Variants in TUBGCP5 observed in about 807,000 individuals in gnomAD.
TUBGCP5 encodes tubulin gamma complex component 5, also known as gamma-tubulin complex component 5.
Under a neutral mutation model 134.7 loss-of-function variants are expected in TUBGCP5, and 98 were observed. The ratio of observed to expected loss-of-function variants is 0.73; its 90% CI spans 0.62 to 0.86. The LOEUF (loss-of-function observed/expected upper bound fraction) is 0.86. Ranked by LOEUF, TUBGCP5 falls within the 40% of genes least tolerant of loss-of-function variation. The pLI, the probability that TUBGCP5 is intolerant of heterozygous loss-of-function variation, is 0.00. For synonymous variants in TUBGCP5, 456 were observed against 431.4 expected, an observed-to-expected ratio of 1.06 and a Z score of -0.71; for missense variants, 1,150 against 1,244.8, an observed-to-expected ratio of 0.92 and a Z score of 1.15.
At chr15:22,994,857 G>GT (rs1367632130), downstream of TUBGCP5, among the ~76,000 whole-genome samples, 3 of 152,158 alleles carry the variant, frequency 2.0e-5, no homozygotes, top group Admixed American at 1.3e-4. Flanking sequence ...GCTCACGCCT[G>GT]TAATCCCAGC....
At chr15:23,007,913 G>A (rs2064819244) in intron 16 of TUBGCP5, among the ~76,000 whole-genome samples, 1 of 152,128 alleles carries the variant, frequency 6.6e-6, no homozygotes, top group Non-Finnish European at 1.5e-5. Context: ...GAGACACAGA[G>A]GTCATTGGGG....
intron 12 of TUBGCP5, among the ~76,000 whole-genome samples, chr15:23,018,253 G>C (rs1469522620): frequency 1.3e-5 from 2 of 152,150 alleles, no homozygotes; most frequent in African/African-American, 4.8e-5. Context: ...AATTTAAGTA[G>C]AAATAGTTTC....
At chr15:22,994,651 A>G (rs535307132), downstream of TUBGCP5, among the ~76,000 whole-genome samples, 260 of 152,332 alleles carry the variant, frequency 1.7e-3, 1 homozygote, top group Non-Finnish European at 2.9e-3. Context: ...ACTTATTCGT[A>G]AAGCCACTAT....
Position 23,031,268 on chromosome 15 carries a change from T to C in TUBGCP5, c.487-248A>G, listed in dbSNP as rs2140652899. On this transcript the variant is annotated intron_variant, in intron 5 of 22. Transcript: ENST00000615383. ...TGGAATTATTTTTTGTGGCAAAAAG[T>C]CCCAAGATCACAGGTCCTTAAGGGA... 1.3e-5 allele frequency among the ~76,000 whole-genome samples: 2 copies of C among 152,228 alleles called. 1 individual carries two copies. Among genetic ancestry groups the C allele is most frequent in the East Asian group, 3.9e-4 (2 of 5,182 alleles).
At chr15:22,991,419 G>A (rs1348986191) in intron 23 of TUBGCP5, among the ~76,000 whole-genome samples, 1 of 152,194 alleles carries the variant, frequency 6.6e-6, no homozygotes, top group South Asian at 2.1e-4. Flanking sequence ...TTAACTTAAT[G>A]ATGCCATGAA....
intron 8 of TUBGCP5, 92 bp from the exon 9 acceptor site, chr15:23,024,922 G>A: frequency 1.3e-6 from 1 of 747,978 alleles, no homozygotes; most frequent in East Asian, 2.7e-5. Flanking sequence ...TTTTTTGACA[G>A]GGACTCACTT....
At chr15:23,027,332 T>C in intron 6 of TUBGCP5, 26 bp from the exon 7 acceptor site, 1 of 1,593,242 alleles carries the variant, frequency 6.3e-7, no homozygotes, top group Non-Finnish European at 8.6e-7. Flanking sequence ...GTAATCAGTT[T>C]GAGTTAACAA....
Position 23,019,289 on chromosome 15 carries a change from G to C in TUBGCP5, c.1417C>G (p.Leu473Val). ...ACGATCCACTCGTCCACCGTCTGCAGGTAAGGCCGCACCGTTTCCACCCAG... is the reference window on the plus strand; with the variant it reads ...ACGATCCACTCGTCCACCGTCTGCACGTAAGGCCGCACCGTTTCCACCCAG... ...SLWVETVRPY[L>V]QTVDEWIVHG... Residue 473 changes from leucine (L) to valine (V), a missense_variant, in exon 12 of 23, where the codon CTG becomes GTG. By Grantham distance (32) the Leu-to-Val change is conservative. Coordinates refer to ENST00000615383, the MANE Select transcript of TUBGCP5 (RefSeq NM_052903.6). 1.2e-6 allele frequency: 2 copies of C among 1,614,078 alleles called. No homozygotes were observed. The highest frequency in any genetic ancestry group is 1.7e-6 in the Non-Finnish European group (2 of 1,179,984).
chr15:23,000,228 A>T (rs1233648492), intron 22 of TUBGCP5: 5 of 1,190,872 alleles, frequency 4.2e-6, no homozygotes, highest in Non-Finnish European at 5.2e-6. Context: ...ATTCCTAAAA[A>T]AATTTTTAAA....
chr15:23,019,594 C>G (rs541756124), intron 11 of TUBGCP5, among the ~76,000 whole-genome samples: 3 of 150,732 alleles, frequency 2.0e-5, no homozygotes, highest in African/African-American at 7.3e-5. Context: ...GGTAAGAAAT[C>G]GAGACCATCC....
rs1056908516 is a variant in TUBGCP5, at chr15:23,010,001, G to A, written c.2088C>T (p.Asp696=). ...TTCCACAGCAATCTAGATACTGCTT[G>A]TCAATATGAGGATAGAGGCAGGATC... ...TLRSCLYPHI[D]KQYLDCCGNL... The change falls in exon 15 of 23, where the codon GAC becomes GAT. Residue 696 remains aspartate (D), a synonymous_variant. Transcript: ENST00000615383. The A allele has an allele frequency of 6.2e-7, 1 of 1,614,046 alleles. No homozygotes were observed.
chr15:22,986,259 G>A (rs1328391435), intron 23 of TUBGCP5, among the ~76,000 whole-genome samples: 1 of 151,992 alleles, frequency 6.6e-6, no homozygotes, highest in African/African-American at 2.4e-5. Context: ...TGCCACTATG[G>A]AAAACAATAT....
intron 23 of TUBGCP5, among the ~76,000 whole-genome samples, chr15:22,987,071 G>A (rs930548750): frequency 7.9e-5 from 12 of 151,896 alleles, no homozygotes; most frequent in African/African-American, 1.5e-4. Context: ...GGTGGCTCAC[G>A]CCTGTAATCC....
At position 23,019,236 on chromosome 15, in the gene TUBGCP5, C is replaced by T. The variant is rs151164554; in HGVS notation, c.1470G>A (p.Arg490=). ...IVHGHLWDGA[R]EFIIQRNKNV... ...CAGCTCACCTCTGGATGATGAACTC[C>T]CTGGCGCCATCCCACAGGTGCCCGT... The change falls in exon 12 of 23, where the codon AGG becomes AGA. Residue 490 remains arginine (R), a synonymous_variant. Transcript: ENST00000615383. 6.0e-4 allele frequency: 964 copies of T among 1,613,640 alleles called. 4 individuals are homozygous for T. Among genetic ancestry groups the T allele is most frequent in the Middle Eastern group, 3.3e-3 (20 of 6,060 alleles).
downstream of TUBGCP5, among the ~76,000 whole-genome samples, chr15:22,994,279 G>A (rs1459030477): frequency 6.6e-6 from 1 of 151,808 alleles, no homozygotes; most frequent in African/African-American, 2.4e-5. Flanking sequence ...TAGTAGAGAC[G>A]GGGTTTCACC....
intron 23 of TUBGCP5, among the ~76,000 whole-genome samples, chr15:22,989,211 G>A (rs1020681344): frequency 6.6e-6 from 1 of 152,098 alleles, no homozygotes; most frequent in Non-Finnish European, 1.5e-5. Flanking sequence ...ATAGTCACAC[G>A]GCCCAGGGAT....
intron 4 of TUBGCP5, among the ~76,000 whole-genome samples, chr15:23,032,350 A>C (rs571701657): frequency 2.2e-4 from 34 of 152,324 alleles, no homozygotes; most frequent in Admixed American, 1.7e-3. Flanking sequence ...AAAATGGTGT[A>C]GTATGTGCAC....
Position 23,010,703 on chromosome 15 carries a change from G to A in TUBGCP5, c.1955+430C>T, listed in dbSNP as rs565503969. On this transcript the variant is annotated intron_variant, in intron 14 of 22. Coordinates refer to ENST00000615383, the MANE Select transcript of TUBGCP5 (RefSeq NM_052903.6). ...CTGCTTGTTATAAAGGATAGGCATG[G>A]CATGGTGGCTCACACCTGTAATCCC... 7.2e-5 allele frequency among the ~76,000 whole-genome samples: 11 copies of A among 152,218 alleles called. No homozygotes were observed. The South Asian group carries it at 1.9e-3, about 26-fold the overall frequency.
At chr15:22,990,017 G>A (rs1228863467) in intron 23 of TUBGCP5, among the ~76,000 whole-genome samples, 1 of 152,172 alleles carries the variant, frequency 6.6e-6, no homozygotes, top group Non-Finnish European at 1.5e-5. Context: ...GGAGGCATCA[G>A]AGTCCTCTGA....
Sources: allele counts gnomAD v4.1 joint callset (sites outside exome capture counted in the v4.1 genomes callset), GRCh38; gene constraint gnomAD v4.1.1; transcripts MANE v1.5; gene names NCBI Gene and HGNC (gene_info 2026-07-23, HGNC 2026-07-21).